RBFOX1: variants seen among roughly 807,000 people sequenced by gnomAD.
RBFOX1 encodes RNA binding protein fox-1 homolog 1.
Under a neutral mutation model 57.7 loss-of-function variants are expected in RBFOX1, and 8 were observed. That is an observed-to-expected ratio of 0.14 (90% CI 0.08 to 0.25). RBFOX1 has a LOEUF of 0.25. RBFOX1 is among the 10% of genes least tolerant of loss of function. RBFOX1 has a pLI of 1.00. For synonymous variants in RBFOX1, 326 were observed against 222.4 expected (o/e 1.47, Z -4.15); for missense variants, 611 against 548.5 (o/e 1.11, Z -1.14).
chr16:6,706,185 A>G (rs1278818295), intron 3 of RBFOX1, among the ~76,000 whole-genome samples: 1 of 152,188 alleles, frequency 6.6e-6, no homozygotes, highest in Non-Finnish European at 1.5e-5. Flanking sequence ...GCTCCCGTGA[A>G]TAGGTAAGCC....
In RBFOX1 at chr16:5,626,712, A is replaced by G. The variant is rs35889940; in HGVS notation, c.318+27751A>G. On this transcript the variant is annotated intron_variant, in intron 3 of 19. Coordinates refer to the RBFOX1 transcript ENST00000641259. ...GGTTATACTCCCGTGCTTTGGGAGG[A>G]ATGAGTTTCCTTACTTTCTGGTGAT... Among the ~76,000 whole-genome samples, 348 of 152,100 alleles carry G rather than the reference A, an allele frequency of 2.3e-3. 4 individuals carry two copies. The East Asian group carries it at 0.028, about 12-fold the overall frequency.
chr16:7,564,101 C>G (rs73486644), intron 5 of RBFOX1, among the ~76,000 whole-genome samples: 33,916 of 151,950 alleles, frequency 0.22, 4,515 homozygotes, highest in African/African-American at 0.36. Flanking sequence ...GCTGTAACCA[C>G]CAAAGGGATG....
chr16:5,378,940 A>G (rs1596744607), intron 1 of RBFOX1, among the ~76,000 whole-genome samples: 1 of 151,402 alleles, frequency 6.6e-6, no homozygotes, highest in Non-Finnish European at 1.5e-5. Context: ...TCCACTGAAA[A>G]CCATTCCCTT....
At chr16:7,309,305 G>C (rs1374905561) in intron 4 of RBFOX1, among the ~76,000 whole-genome samples, 1 of 152,232 alleles carries the variant, frequency 6.6e-6, no homozygotes, top group Admixed American at 6.5e-5. Flanking sequence ...TCCCCCCTTT[G>C]GGGAACCTAT....
At chr16:6,769,407 A>G (rs945008356) in intron 3 of RBFOX1, among the ~76,000 whole-genome samples, 1 of 152,200 alleles carries the variant, frequency 6.6e-6, no homozygotes, top group African/African-American at 2.4e-5. Context: ...CAGACTAAGA[A>G]TACAGCAGTA....
At chr16:6,457,218 G>C (rs992202321) in intron 2 of RBFOX1, among the ~76,000 whole-genome samples, 1 of 152,196 alleles carries the variant, frequency 6.6e-6, no homozygotes, top group Admixed American at 6.5e-5. Context: ...CCAGTAGCTA[G>C]AGATGTCAGA....
At position 5,671,944 on chromosome 16, in the gene RBFOX1, T is replaced by C. The variant is rs897957536; in HGVS notation, c.318+72983T>C. Among the ~76,000 whole-genome samples, 11 of 152,296 alleles carry C rather than the reference T, an allele frequency of 7.2e-5. No individual in the cohort carries two copies. In the South Asian group the frequency reaches 1.2e-3, roughly 17 times the overall value. On this transcript the variant is annotated intron_variant, in intron 3 of 19. Transcript: ENST00000641259. ...CTTTTTCCAGGTAGAGTCACACTTA[T>C]AATCAGTTTTCTCTCAAAGTGATGA...
intron 1 of RBFOX1, among the ~76,000 whole-genome samples, chr16:5,462,659 A>T (rs1243539876): frequency 6.6e-6 from 1 of 152,174 alleles, no homozygotes; most frequent in African/African-American, 2.4e-5. Flanking sequence ...GGAAATAAAT[A>T]CATTATGATG....
intron 3 of RBFOX1, among the ~76,000 whole-genome samples, chr16:7,044,961 C>G (rs1032512456): frequency 6.6e-6 from 1 of 152,170 alleles, no homozygotes; most frequent in Admixed American, 6.5e-5. Flanking sequence ...AATCATTACA[C>G]CCTGTTTGGG....
At chr16:5,805,916 A>G (rs1156953581) in intron 3 of RBFOX1, among the ~76,000 whole-genome samples, 2 of 152,184 alleles carry the variant, frequency 1.3e-5, no homozygotes, top group Non-Finnish European at 2.9e-5. Flanking sequence ...AAGGACAGAG[A>G]GTGGATCTGG....
At chr16:7,552,034 T>G (rs1428784379) in intron 5 of RBFOX1, among the ~76,000 whole-genome samples, 9 of 152,184 alleles carry the variant, frequency 5.9e-5, no homozygotes, top group Admixed American at 5.9e-4. Context: ...GGCAGGTATT[T>G]TTACCCCTCC....
At chr16:6,876,364 T>C (rs73540697) in intron 3 of RBFOX1, among the ~76,000 whole-genome samples, 38,453 of 151,908 alleles carry the variant, frequency 0.25, 5,118 homozygotes, top group African/African-American at 0.32. Context: ...AAAAATAATA[T>C]TAATACCATC....
chr16:6,814,659 G>T lies in RBFOX1; in HGVS notation c.-16+160009G>T, dbSNP rs536233557. 2.1e-3 allele frequency among the ~76,000 whole-genome samples: 323 copies of T among 152,270 alleles called. 4 individuals carry two copies. The highest frequency in any genetic ancestry group is 0.014 in the South Asian group (67 of 4,822). On this transcript the variant is annotated intron_variant, in intron 3 of 15. Transcript: ENST00000550418. ...AGGTAGGGGACAAAGAGGCTAAGGG[G>T]GAAGGGCTCCTCCAAGCACAGGGAG...
At chr16:7,330,658 C>T (rs1291838111) in intron 4 of RBFOX1, among the ~76,000 whole-genome samples, 2 of 152,050 alleles carry the variant, frequency 1.3e-5, no homozygotes, top group African/African-American at 4.8e-5. Flanking sequence ...ATATAGTTAC[C>T]TCTCTTCTAT....
At chr16:6,160,184 G>T (rs1477738163) in intron 1 of RBFOX1, among the ~76,000 whole-genome samples, 1 of 152,150 alleles carries the variant, frequency 6.6e-6, no homozygotes, top group Admixed American at 6.6e-5. Flanking sequence ...TTAAATGCAA[G>T]GGGAACAATT....
At chr16:6,273,347 T>G (rs1488917759) in intron 1 of RBFOX1, among the ~76,000 whole-genome samples, 29 of 145,890 alleles carry the variant, frequency 2.0e-4, no homozygotes, top group Middle Eastern at 3.5e-3. Flanking sequence ...TTGGTTTTTT[T>G]TTTTTTTTTT....
At chr16:6,570,786 T>G in intron 2 of RBFOX1, among the ~76,000 whole-genome samples, 1 of 152,162 alleles carries the variant, frequency 6.6e-6, no homozygotes, top group East Asian at 1.9e-4. Flanking sequence ...TAGCTAATAT[T>G]TTTTCCTCAA....
At chr16:6,527,572 A>G (rs2096598692) in intron 2 of RBFOX1, among the ~76,000 whole-genome samples, 1 of 152,074 alleles carries the variant, frequency 6.6e-6, no homozygotes, top group African/African-American at 2.4e-5. Context: ...TTTTTGTTTT[A>G]TTATTTAGGA....
intron 4 of RBFOX1, chr16:7,423,069 C>G (rs1314694373): frequency 1.4e-5 from 2 of 145,450 alleles, no homozygotes; most frequent in South Asian, 2.3e-4. Flanking sequence ...GTCTCTGAAA[C>G]TAGGAGAGAG....
Sources: gnomAD v4.1 joint callset for allele counts (sites outside exome capture counted in the v4.1 genomes callset) on GRCh38, gnomAD v4.1.1 for gene constraint, MANE v1.5 for transcripts, NCBI Gene and HGNC (gene_info 2026-07-23, HGNC 2026-07-21) for gene names.